Variants in ZNF43 observed in about 807,000 individuals in gnomAD.
ZNF43 encodes the protein zinc finger protein 43, also known as zinc finger protein 39-like 1 (KOX 27).
Under a neutral mutation model 68.4 loss-of-function variants are expected in ZNF43, and 44 were observed. The ratio of observed to expected loss-of-function variants is 0.64; its 90% CI spans 0.51 to 0.83. The LOEUF is 0.83. Ranked by LOEUF, ZNF43 falls within the 40% of genes least tolerant of loss-of-function variation. ZNF43 has a pLI of 0.00. For synonymous variants in ZNF43, 308 were observed against 307.8 expected (o/e 1.00, Z -0.01); for missense variants, 896 against 933.2 (o/e 0.96, Z 0.52).
Position 21,809,456 on chromosome 19 carries a change from A to C in ZNF43, c.581T>G (p.Ile194Arg). 2 of 1,613,810 alleles carry C rather than the reference A, an allele frequency of 1.2e-6. No homozygotes were observed. The highest frequency in any genetic ancestry group is 1.7e-6 in the Non-Finnish European group (2 of 1,179,870). Residue 194 changes from isoleucine to arginine, a missense_variant, in exon 4 of 4, where the codon ATA becomes AGA. Ile to Arg is a moderately conservative substitution (Grantham distance 97). Transcript: ENST00000354959. ...GCAGAAATTCACTCTGGTATGAATTATTTTATGTTGAGCTAGATGTGGAAG... is the reference window on the plus strand; with the variant it reads ...GCAGAAATTCACTCTGGTATGAATTCTTTTATGTTGAGCTAGATGTGGAAG... ...CMLPHLAQHK[I>R]IHTRVNFCKC...
Position 21,819,096 on chromosome 19 carries a change from C to T in ZNF43, c.129G>A (p.Leu43=), listed in dbSNP as rs773132551. 2.4e-5 allele frequency: 38 copies of T among 1,609,196 alleles called. No homozygotes were observed. Among genetic ancestry groups the T allele is most frequent in the South Asian group, 8.9e-5 (8 of 90,262 alleles). ...MLENYRNLVF[L]GIAVSKPDLI... ...ATTGAGTATTGAAGTTATGCTCACC[C>T]AGGAAGACCAGGTTTCTGTAGTTCT... Residue 43 remains leucine (L), a splice_region_variant and synonymous_variant, in exon 2 of 4, where the codon CTG becomes CTA. Coordinates refer to ENST00000354959, the MANE Select transcript of ZNF43 (RefSeq NM_003423.4).
In ZNF43 at chr19:21,807,740, T is replaced by C. The variant is rs1160228230; in HGVS notation, c.2297A>G (p.Glu766Gly). 8.7e-6 allele frequency: 14 copies of C among 1,613,634 alleles called. No homozygotes were observed. The highest frequency in any genetic ancestry group is 1.2e-5 in the Non-Finnish European group (14 of 1,179,826). ...ATATTGGTTGAAAGCTTTGCCACAT[T>C]CTTTACATTTGTAGGGTTGCTCTTT... ...HTKEQPYKCK[E>G]CGKAFNQYSN... Residue 766 changes from glutamate to glycine, a missense_variant, in exon 4 of 4, where the codon GAA becomes GGA. Coordinates refer to ENST00000354959, the MANE Select transcript of ZNF43 (RefSeq NM_003423.4).
At chr19:21,847,765 G>A (rs1968063353) in intron 1 of ZNF43, among the ~76,000 whole-genome samples, 1 of 152,008 alleles carries the variant, frequency 6.6e-6, no homozygotes, top group Non-Finnish European at 1.5e-5. Context: ...AAAGCTCCAT[G>A]TAGGCAGGGT....
intron 3 of ZNF43, among the ~76,000 whole-genome samples, chr19:21,812,929 T>A (rs1437643101): frequency 5.4e-5 from 6 of 112,020 alleles, no homozygotes; most frequent in African/African-American, 2.0e-4. Context: ...TGTGACTCCA[T>A]CTCAAAAAAA....
At chr19:21,819,585 A>G (rs2037699001) in intron 1 of ZNF43, among the ~76,000 whole-genome samples, 1 of 152,140 alleles carries the variant, frequency 6.6e-6, no homozygotes, top group African/African-American at 2.4e-5. Flanking sequence ...GTTAGAAGGG[A>G]CCTTTAAAAT....
At chr19:21,813,649 C>T (rs1305157396) in intron 3 of ZNF43, among the ~76,000 whole-genome samples, 1 of 152,102 alleles carries the variant, frequency 6.6e-6, no homozygotes, top group East Asian at 1.9e-4. Flanking sequence ...GTTTGTCAAG[C>T]GCTGAAAAGA....
chr19:21,831,703 A>C (rs537878560), intron 1 of ZNF43, among the ~76,000 whole-genome samples: 1 of 152,280 alleles, frequency 6.6e-6, no homozygotes, highest in African/African-American at 2.4e-5. Context: ...GCAAAGTTTT[A>C]GAATACAAAA....
chr19:21,816,740 T>C (rs769895705), intron 3 of ZNF43, among the ~76,000 whole-genome samples: 1 of 152,116 alleles, frequency 6.6e-6, no homozygotes, highest in African/African-American at 2.4e-5. Context: ...TCCTCTCTGG[T>C]ACTCAGTGAA....
chr19:21,846,119 G>T (rs543438851), intron 1 of ZNF43, among the ~76,000 whole-genome samples: 1 of 152,226 alleles, frequency 6.6e-6, no homozygotes, highest in South Asian at 2.1e-4. Flanking sequence ...GTATTTCCTA[G>T]TGCTACTTGT....
At position 21,809,349 on chromosome 19, in the gene ZNF43, A is replaced by G. The variant is rs1333603658; in HGVS notation, c.688T>C (p.Tyr230His). The G allele has an allele frequency of 2.5e-6, 4 of 1,613,726 alleles. No individual in the cohort carries two copies. Among genetic ancestry groups the G allele is most frequent in the Non-Finnish European group, 3.4e-6 (4 of 1,179,918 alleles). Residue 230 changes from tyrosine to histidine, a missense_variant, in exon 4 of 4, where the codon TAC becomes CAC. By Grantham distance (83) the Tyr-to-His change is moderately conservative. Coordinates refer to ENST00000354959, the MANE Select transcript of ZNF43 (RefSeq NM_003423.4). The stretch of plus-strand genomic sequence containing the variant: ...ACTTTGCCACATTCTTCACATGTGT[A>G]GGGTTTCTCTCCAGTATTAATTCTC... ...HKRINTGEKP[Y>H]TCEECGKVFN...
At chr19:21,840,807 T>C (rs917127151), upstream of ZNF43, 9 of 152,222 alleles carry the variant, frequency 5.9e-5, no homozygotes, top group Non-Finnish European at 1.0e-4. Context: ...GAGACTTTTT[T>C]TTCTAATACA....
intron 1 of ZNF43, chr19:21,851,815 C>T: frequency 7.2e-7 from 1 of 1,394,924 alleles, no homozygotes; most frequent in South Asian, 1.3e-5. Context: ...CGCCAGCGAC[C>T]AGGACTCAGG....
chr19:21,810,646 C>T, intron 3 of ZNF43, among the ~76,000 whole-genome samples: 1 of 152,142 alleles, frequency 6.6e-6, no homozygotes, highest in East Asian at 1.9e-4. Flanking sequence ...AATACCAAGT[C>T]TTATTAAATT....
chr19:21,844,064 G>C (rs1967731584), intron 1 of ZNF43, among the ~76,000 whole-genome samples: 2 of 152,234 alleles, frequency 1.3e-5, no homozygotes, highest in South Asian at 2.1e-4. Flanking sequence ...ATATACAGGA[G>C]AGTCAAATCC....
chr19:21,833,871 T>C (rs2145333138), intron 1 of ZNF43, among the ~76,000 whole-genome samples: 1 of 151,742 alleles, frequency 6.6e-6, no homozygotes, highest in East Asian at 2.0e-4. Context: ...CTACTAAAAA[T>C]GCAAAATTAG....
chr19:21,825,369 ATTAGT>A (rs1398726616), intron 1 of ZNF43, among the ~76,000 whole-genome samples: 2 of 152,190 alleles, frequency 1.3e-5, no homozygotes, highest in African/African-American at 4.8e-5. Flanking sequence ...GTGTGACATT[ATTAGT>A]TTAGTTTATA....
chr19:21,834,630 G>C (rs1043042598), intron 1 of ZNF43, among the ~76,000 whole-genome samples: 7 of 151,768 alleles, frequency 4.6e-5, no homozygotes, highest in African/African-American at 1.7e-4. Flanking sequence ...ACGGTGGCAG[G>C]TGCCTGTAAT....
chr19:21,833,493 C>A (rs1353419242), intron 1 of ZNF43, among the ~76,000 whole-genome samples: 1 of 151,684 alleles, frequency 6.6e-6, no homozygotes, highest in Non-Finnish European at 1.5e-5. Context: ...TGGTCTTGAA[C>A]TCCTGACCTC....
At position 21,808,662 on chromosome 19, in the gene ZNF43, A is replaced by T; in HGVS notation, c.1375T>A (p.Cys459Ser). Residue 459 changes from cysteine (C) to serine (S), a missense_variant, in exon 4 of 4, where the codon TGT becomes AGT. Cys to Ser is a moderately radical substitution (Grantham distance 112). Coordinates refer to ENST00000354959, the MANE Select transcript of ZNF43 (RefSeq NM_003423.4). ...GAGAACTGGTTAAAGGCTTTGCCAC[A>T]TACTTCACATTTGTAGGGTTTCTCT... The part of the protein sequence containing the change: ...TGEKPYKCEV[C>S]GKAFNQFSNL... 1 of 1,613,686 alleles carries T rather than the reference A, an allele frequency of 6.2e-7. No individual in the cohort carries two copies. The highest frequency in any genetic ancestry group is 1.1e-5 in the South Asian group (1 of 91,058).
Sources: gnomAD v4.1 joint callset for allele counts (sites outside exome capture counted in the v4.1 genomes callset) on GRCh38, gnomAD v4.1.1 for gene constraint, MANE v1.5 for transcripts, NCBI Gene and HGNC (gene_info 2026-07-23, HGNC 2026-07-21) for gene names.